Variants in ZNF385D observed in about 807,000 individuals in gnomAD.
ZNF385D encodes zinc finger protein 659.
A neutral mutation model predicts 35.8 loss-of-function variants in ZNF385D; 15 were observed. The ratio of observed to expected loss-of-function variants is 0.42; its 90% CI spans 0.28 to 0.64. The LOEUF is 0.64. Among genes scored for constraint, ZNF385D ranks in the 30% least tolerant of loss-of-function variants. ZNF385D has a pLI of 0.23. For missense variants in ZNF385D, 474 were observed against 494.6 expected, an observed-to-expected ratio of 0.96 and a Z score of 0.39; for synonymous variants, 212 against 186.8, an observed-to-expected ratio of 1.13 and a Z score of -1.10.
At chr3:22,214,004 G>A (rs935185099) in intron 2 of ZNF385D, among the ~76,000 whole-genome samples, 4 of 151,958 alleles carry the variant, frequency 2.6e-5, no homozygotes, top group Admixed American at 2.0e-4. Context: ...GCCATAGGTT[G>A]GACAGTTCTG....
At chr3:22,107,026 G>GTTTTTTTTGT (rs1553609235) in intron 3 of ZNF385D, among the ~76,000 whole-genome samples, 1 of 118,830 alleles carries the variant, frequency 8.4e-6, no homozygotes, top group African/African-American at 3.0e-5. Context: ...TGGAATGAGA[G>GTTTTTTTTGT]TTTTTTTTTT....
intron 3 of ZNF385D, among the ~76,000 whole-genome samples, chr3:22,154,227 C>T (rs1705441778): frequency 6.6e-6 from 1 of 152,150 alleles, no homozygotes; most frequent in South Asian, 2.1e-4. Flanking sequence ...ACAATTGAAG[C>T]TCATTTCATT....
chr3:21,593,717 T>A (rs1016615939), intron 2 of ZNF385D, among the ~76,000 whole-genome samples: 7 of 152,046 alleles, frequency 4.6e-5, no homozygotes, highest in South Asian at 4.1e-4. Flanking sequence ...TAGACTTTTT[T>A]TAAAAATTAC....
chr3:21,831,127 T>TTTA (rs1028235935), intron 3 of ZNF385D, among the ~76,000 whole-genome samples: 2 of 152,180 alleles, frequency 1.3e-5, no homozygotes, highest in African/African-American at 2.4e-5. Flanking sequence ...TCAAGGTTGT[T>TTTA]TTTAGAGGCA....
intron 2 of ZNF385D, among the ~76,000 whole-genome samples, chr3:22,215,696 C>T (rs1014134379): frequency 2.6e-5 from 4 of 151,984 alleles, no homozygotes; most frequent in Non-Finnish European, 5.9e-5. Context: ...CCTCCATTTG[C>T]CTTGTGATAT....
intron 2 of ZNF385D, among the ~76,000 whole-genome samples, chr3:22,191,536 G>A (rs560184811): frequency 2.6e-5 from 4 of 151,508 alleles, no homozygotes; most frequent in Non-Finnish European, 5.9e-5. Context: ...ATCACTTAGA[G>A]GTGTTACTAG....
intron 2 of ZNF385D, among the ~76,000 whole-genome samples, chr3:21,582,688 G>A (rs2125709215): frequency 6.6e-6 from 1 of 152,270 alleles, no homozygotes; most frequent in Non-Finnish European, 1.5e-5. Context: ...GTGAAGCTAA[G>A]CCAGCACCAC....
At chr3:21,698,589 T>G (rs2067555185) in intron 1 of ZNF385D, among the ~76,000 whole-genome samples, 1 of 152,060 alleles carries the variant, frequency 6.6e-6, no homozygotes, top group African/African-American at 2.4e-5. Context: ...CCTGCATATA[T>G]GCTCCCTCAA....
chr3:22,203,003 C>T lies in ZNF385D; in HGVS notation c.107-33968G>A, dbSNP rs374368001. ...CTCCTAGGCAAATCCTAGTGGTGTG[C>T]TGCGCTTGGAACCAGTGAATGTGGG... On this transcript the variant is annotated intron_variant, in intron 2 of 5. Transcript: ENST00000494108. Among the ~76,000 whole-genome samples, 6 of 152,184 alleles carry T rather than the reference C, an allele frequency of 3.9e-5. No homozygotes were observed. The South Asian group carries it at 8.3e-4, about 21-fold the overall frequency.
chr3:22,285,681 C>G (rs555536361), intron 2 of ZNF385D, among the ~76,000 whole-genome samples: 11 of 152,166 alleles, frequency 7.2e-5, no homozygotes, highest in African/African-American at 1.4e-4. Flanking sequence ...CTCCCTCCCC[C>G]CTCTCCCCAC....
intron 2 of ZNF385D, among the ~76,000 whole-genome samples, chr3:21,612,286 G>A (rs1457344098): frequency 1.3e-5 from 2 of 152,000 alleles, no homozygotes; most frequent in Non-Finnish European, 2.9e-5. Context: ...TTTTAGTAGA[G>A]ACGGGGTATC....
At chr3:21,588,426 ATAATGT>A in intron 2 of ZNF385D, among the ~76,000 whole-genome samples, 1 of 104,884 alleles carries the variant, frequency 9.5e-6, no homozygotes, top group African/African-American at 3.6e-5. Flanking sequence ...TTTAGAATGC[ATAATGT>A]TAATGTGTAA....
chr3:22,191,881 C>A (rs1034763959), intron 2 of ZNF385D, among the ~76,000 whole-genome samples: 2 of 149,554 alleles, frequency 1.3e-5, no homozygotes, highest in Admixed American at 6.7e-5. Flanking sequence ...ACTACTGATG[C>A]TTATTAAATA....
chr3:21,988,323 A>G (rs1468760860), intron 3 of ZNF385D, among the ~76,000 whole-genome samples: 2 of 116,526 alleles, frequency 1.7e-5, no homozygotes, highest in East Asian at 2.4e-4. Context: ...GTCTTTGATG[A>G]TGGTGATGTA....
chr3:22,036,687 G>A (rs551372745), intron 3 of ZNF385D, among the ~76,000 whole-genome samples: 2 of 146,376 alleles, frequency 1.4e-5, no homozygotes, highest in Non-Finnish European at 3.0e-5. Context: ...TACAATACGA[G>A]AAAGAAGAGT....
intron 2 of ZNF385D, among the ~76,000 whole-genome samples, chr3:21,617,381 C>T (rs2064877527): frequency 6.6e-6 from 1 of 152,094 alleles, no homozygotes; most frequent in Admixed American, 6.6e-5. Context: ...AGCTATGTGA[C>T]CTTGAGGGAA....
chr3:22,291,905 C>G (rs1702320262), intron 2 of ZNF385D, among the ~76,000 whole-genome samples: 1 of 151,832 alleles, frequency 6.6e-6, no homozygotes, highest in African/African-American at 2.4e-5. Context: ...GAGAAATTTT[C>G]TTTTCTTCTA....
chr3:22,171,834 G>A lies in ZNF385D; in HGVS notation c.107-2799C>T, dbSNP rs138172449. On this transcript the variant is annotated intron_variant, in intron 2 of 5. Coordinates refer to the ZNF385D transcript ENST00000494108. ...AGAGCTTGCAGTGAGCCGAGATCACGCCACTACATCCCAGCCTGGGCAACA... is the reference window on the plus strand; with the variant it reads ...AGAGCTTGCAGTGAGCCGAGATCACACCACTACATCCCAGCCTGGGCAACA... 1.5e-3 allele frequency among the ~76,000 whole-genome samples: 202 copies of A among 138,748 alleles called. 2 individuals are homozygous for A. The South Asian group carries it at 0.03, about 21-fold the overall frequency. The allele number at this position is 138,748 out of a possible 152,430, so 91.0% of individuals were successfully genotyped here.
chr3:21,612,993 CTTTTTTTTTT>C (rs11336822), intron 2 of ZNF385D, among the ~76,000 whole-genome samples: 2 of 137,258 alleles, frequency 1.5e-5, no homozygotes, highest in African/African-American at 5.3e-5. Context: ...TTTCTTTTTT[CTTTTTTTTTT>C]TTTTTCAAAA....
Sources: gnomAD v4.1 joint callset for allele counts (sites outside exome capture counted in the v4.1 genomes callset) on GRCh38, gnomAD v4.1.1 for gene constraint, MANE v1.5 for transcripts, NCBI Gene and HGNC (gene_info 2026-07-23, HGNC 2026-07-21) for gene names.